CDKAL1: variants seen among roughly 807,000 people sequenced by gnomAD.
The protein encoded by CDKAL1 is threonylcarbamoyladenosine tRNA methylthiotransferase.
In CDKAL1, 32 loss-of-function variants were observed where a neutral mutation model predicts 68.2. The ratio of observed to expected loss-of-function variants is 0.47; its 90% CI spans 0.35 to 0.63. The LOEUF is 0.63. Among genes scored for constraint, CDKAL1 ranks in the 30% least tolerant of loss-of-function variants. The probability of loss-of-function intolerance (pLI) is 0.00; values close to 1 mark genes in which losing one functional copy is unlikely to be tolerated. For synonymous variants in CDKAL1, 234 were observed against 244.3 expected, an observed-to-expected ratio of 0.96 and a Z score of 0.39; for missense variants, 606 against 696.7, an observed-to-expected ratio of 0.87 and a Z score of 1.47.
chr6:20,922,705 GAGAAC>G (rs1763013065), intron 9 of CDKAL1, among the ~76,000 whole-genome samples: 1 of 152,184 alleles, frequency 6.6e-6, no homozygotes, highest in South Asian at 2.1e-4. Flanking sequence ...GAACCGGGAT[GAGAAC>G]AGAGACATAG....
intron 13 of CDKAL1, among the ~76,000 whole-genome samples, chr6:21,133,903 G>A (rs1775449948): frequency 6.6e-6 from 1 of 152,140 alleles, no homozygotes; most frequent in Non-Finnish European, 1.5e-5. Flanking sequence ...TAAATTTAGA[G>A]TGATGTATGT....
intron 4 of CDKAL1, among the ~76,000 whole-genome samples, chr6:20,569,397 C>A (rs769288716): frequency 1.1e-4 from 16 of 152,192 alleles, no homozygotes; most frequent in Non-Finnish European, 1.8e-4. Context: ...ACTGGTGATT[C>A]CTTGAGGCAT....
chr6:20,974,815 CA>C (rs34192233), intron 10 of CDKAL1, among the ~76,000 whole-genome samples: 23 of 139,024 alleles, frequency 1.7e-4, no homozygotes, highest in African/African-American at 2.2e-4. Flanking sequence ...CCAGTCTCTG[CA>C]AAAAAAAAAA....
At chr6:21,024,081 G>A (rs1768825364) in intron 11 of CDKAL1, among the ~76,000 whole-genome samples, 1 of 152,046 alleles carries the variant, frequency 6.6e-6, no homozygotes, top group Non-Finnish European at 1.5e-5. Context: ...TTATATTTTA[G>A]CCAAGAAAAT....
intron 9 of CDKAL1, among the ~76,000 whole-genome samples, chr6:20,918,162 A>T (rs569832138): frequency 3.9e-4 from 60 of 152,354 alleles, no homozygotes; most frequent in African/African-American, 1.3e-3. Flanking sequence ...CCCTTCTGCC[A>T]TGTGAGGACA....
intron 12 of CDKAL1, among the ~76,000 whole-genome samples, chr6:21,101,874 T>G (rs1226526057): frequency 6.6e-6 from 1 of 152,156 alleles, no homozygotes; most frequent in African/African-American, 2.4e-5. Context: ...TACCAAGAGC[T>G]GTCTATCCTA....
chr6:21,001,204 T>C (rs571564741), intron 11 of CDKAL1, among the ~76,000 whole-genome samples: 7 of 152,370 alleles, frequency 4.6e-5, no homozygotes, highest in African/African-American at 1.7e-4. Context: ...GCCTTTTCCT[T>C]TGTTGTTTTT....
intron 4 of CDKAL1, among the ~76,000 whole-genome samples, chr6:20,624,274 A>G (rs7743789): frequency 0.058 from 8,890 of 152,060 alleles, 399 homozygotes; most frequent in Non-Finnish European, 0.081. Flanking sequence ...GAGAAATACT[A>G]TTTAGAACTG....
At chr6:20,833,205 C>T (rs72832371) in intron 8 of CDKAL1, among the ~76,000 whole-genome samples, 17,599 of 152,074 alleles carry the variant, frequency 0.12, 1,235 homozygotes, top group East Asian at 0.33. Context: ...GAACTGGTTC[C>T]AGCGTTAGTT....
intron 9 of CDKAL1, among the ~76,000 whole-genome samples, chr6:20,951,661 C>CA (rs758233364): frequency 1.1e-4 from 16 of 152,066 alleles, no homozygotes; most frequent in Admixed American, 4.6e-4. Context: ...TTCCTTTTAC[C>CA]AAAATTAATG....
chr6:20,586,978 G>GTTTTTT lies in CDKAL1; in HGVS notation c.286+38293_286+38298dup, dbSNP rs750210435. 3.9e-3 allele frequency among the ~76,000 whole-genome samples: 175 copies of GTTTTTT among 44,424 alleles called. 11 individuals are homozygous for GTTTTTT. The highest frequency in any genetic ancestry group is 0.012 in the African/African-American group (122 of 10,476). 29.1% of individuals were successfully genotyped at this position (44,424 alleles called of 152,430 possible). On this transcript the variant is annotated intron_variant, in intron 4 of 15. Transcript: ENST00000274695. ...TGCCTGGAATGTTCTTCCTCCAGGTGTTTTTTTTTTTTTTTTTTTTTTTTT... is the reference window on the plus strand; with the variant it reads ...TGCCTGGAATGTTCTTCCTCCAGGTGTTTTTTTTTTTTTTTTTTTTTTTTTTTTTTT...
chr6:20,777,460 T>A (rs1462414776), intron 7 of CDKAL1, among the ~76,000 whole-genome samples: 1 of 151,814 alleles, frequency 6.6e-6, no homozygotes, highest in South Asian at 2.1e-4. Flanking sequence ...AAAAAAAATT[T>A]AAAAAGTAAC....
intron 8 of CDKAL1, among the ~76,000 whole-genome samples, chr6:20,829,601 T>G (rs1463984097): frequency 6.6e-6 from 1 of 152,184 alleles, no homozygotes; most frequent in African/African-American, 2.4e-5. Context: ...CAAAATCTTG[T>G]GTGCAGGAAT....
At chr6:20,608,525 G>C (rs1360333085) in intron 4 of CDKAL1, among the ~76,000 whole-genome samples, 12 of 152,182 alleles carry the variant, frequency 7.9e-5, no homozygotes, top group African/African-American at 2.9e-4. Flanking sequence ...TTAGTCATGA[G>C]TTGTATTCAG....
chr6:20,574,406 C>T (rs574570289), intron 4 of CDKAL1, among the ~76,000 whole-genome samples: 3 of 152,206 alleles, frequency 2.0e-5, no homozygotes, highest in East Asian at 3.9e-4. Flanking sequence ...ACCCCTATAC[C>T]TCCACTGATA....
At chr6:21,058,280 C>G (rs1770945699) in intron 11 of CDKAL1, among the ~76,000 whole-genome samples, 1 of 152,106 alleles carries the variant, frequency 6.6e-6, no homozygotes. Flanking sequence ...CCTTCTTTGT[C>G]TTTTTTTATC....
At chr6:21,094,254 A>G (rs553598143) in intron 12 of CDKAL1, among the ~76,000 whole-genome samples, 8 of 152,290 alleles carry the variant, frequency 5.3e-5, no homozygotes, top group South Asian at 2.1e-4. Context: ...GAAATTACCA[A>G]TAGCAAAAAT....
intron 8 of CDKAL1, among the ~76,000 whole-genome samples, chr6:20,817,521 A>T (rs1334996341): frequency 6.6e-6 from 1 of 152,164 alleles, no homozygotes; most frequent in Non-Finnish European, 1.5e-5. Flanking sequence ...AAGCATAAAG[A>T]CTATTATTCA....
chr6:20,564,604 T>C (rs1410144972), intron 4 of CDKAL1, among the ~76,000 whole-genome samples: 4 of 152,358 alleles, frequency 2.6e-5, no homozygotes, highest in Middle Eastern at 6.8e-3. Context: ...TTTGTAGATA[T>C]AAACTCCTGT....
Sources: gnomAD v4.1 joint callset for allele counts (sites outside exome capture counted in the v4.1 genomes callset) on GRCh38, gnomAD v4.1.1 for gene constraint, MANE v1.5 for transcripts, NCBI Gene and HGNC (gene_info 2026-07-23, HGNC 2026-07-21) for gene names.